Variants in SLC16A4 observed in about 807,000 individuals in gnomAD.
The protein encoded by SLC16A4 is probable monocarboxylate transporter 5.
Under a neutral mutation model 47.9 loss-of-function variants are expected in SLC16A4, and 39 were observed. That is an observed-to-expected ratio of 0.81 (90% CI 0.63 to 1.06). The LOEUF is 1.06. Ranked by LOEUF, SLC16A4 falls within the 50% of genes least tolerant of loss-of-function variation. SLC16A4 has a pLI of 0.00. For synonymous variants in SLC16A4, 189 were observed against 199.9 expected (o/e 0.95, Z 0.46); for missense variants, 524 against 573.8 (o/e 0.91, Z 0.89).
intron 2 of SLC16A4, among the ~76,000 whole-genome samples, chr1:110,384,985 C>T (rs763730417): frequency 5.0e-4 from 76 of 152,266 alleles, no homozygotes; most frequent in Non-Finnish European, 9.7e-4. Flanking sequence ...TGCACTCCAG[C>T]CTGGGCGACA....
In SLC16A4 at chr1:110,381,099, TA is replaced by T; in HGVS notation, c.408del (p.Thr137ProfsTer21). 6.2e-7 allele frequency: 1 copy of T among 1,614,132 alleles called. No individual in the cohort carries two copies. Among genetic ancestry groups the T allele is most frequent in the African/African-American group, 1.3e-5 (1 of 75,044 alleles). ...AFLYQVAAVV[T>X]TKYFKKRLAL... ...GCCAATCGTTTTTTGAAGTATTTGG[TA>T]GTTACCACAGCAGCCACTTGGTATA... On this transcript the variant is annotated frameshift_variant, in exon 5 of 9. Transcript: ENST00000369779. LOFTEE classifies it high-confidence loss of function.
chr1:110,363,954 A>G, intron 8 of SLC16A4, 61 bp from the exon 9 acceptor site: 2 of 1,555,934 alleles, frequency 1.3e-6, no homozygotes, highest in South Asian at 2.5e-5. Context: ...ACTCTCAGCC[A>G]TGAATAGCTC....
In SLC16A4 at chr1:110,389,230, TTC is replaced by T. The variant is rs755698516; in HGVS notation, c.87+5_87+6del. The stretch of plus-strand genomic sequence containing the variant: ...AATAGGAAAGGGGGAAAAAAGTGAA[TTC>T]TTACCAGGAAAAAATGAATCACAAT... On this transcript the variant is annotated splice_donor_5th_base_variant and intron_variant, in intron 2 of 8. Transcript: ENST00000369779. 14 of 1,611,860 alleles carry T rather than the reference TTC, an allele frequency of 8.7e-6. No individual in the cohort carries two copies. The highest frequency in any genetic ancestry group is 1.1e-5 in the Non-Finnish European group (13 of 1,178,084).
intron 2 of SLC16A4, among the ~76,000 whole-genome samples, chr1:110,388,323 CT>C (rs1195082416): frequency 6.6e-6 from 1 of 152,168 alleles, no homozygotes; most frequent in African/African-American, 2.4e-5. Context: ...AATGCCTCGT[CT>C]AGTTGCTTAT....
In SLC16A4 at chr1:110,382,973, C is replaced by G; in HGVS notation, c.88-7G>C. 1 of 1,594,862 alleles carries G rather than the reference C, an allele frequency of 6.3e-7. No individual in the cohort carries two copies. Among genetic ancestry groups the G allele is most frequent in the Non-Finnish European group, 8.6e-7 (1 of 1,167,624 alleles). The stretch of plus-strand genomic sequence containing the variant: ...CCATCACAAACACATTCACCTAAAT[C>G]AAAGCAGACCAGAGTCCAACTCAGG... On this transcript the variant is annotated splice_polypyrimidine_tract_variant and splice_region_variant and intron_variant, in intron 2 of 8. Transcript: ENST00000369779.
chr1:110,374,016 CCTT>C (rs889343153), intron 8 of SLC16A4, among the ~76,000 whole-genome samples: 10 of 112,132 alleles, frequency 8.9e-5, no homozygotes, highest in Admixed American at 8.5e-4. Context: ...TTTATAGTCT[CCTT>C]CTTTTAATAT....
rs1378455619 is a variant in SLC16A4 at position 110,381,774 on chromosome 1, C to CAA, written c.240_241dup (p.Cys81PhefsTer23). The CAA allele has an allele frequency of 6.2e-7, 1 of 1,612,842 alleles. No individual in the cohort carries two copies. The highest frequency in any genetic ancestry group is 1.1e-5 in the South Asian group (1 of 90,808). ...GGTAGTTTTCTCTCCAAGTATGTCA[C>CAA]AAATAATAGCAACCAGGGGACCTTA... On this transcript the variant is annotated frameshift_variant, in exon 4 of 9. Coordinates refer to ENST00000369779, the MANE Select transcript of SLC16A4 (RefSeq NM_004696.3). LOFTEE classifies it high-confidence loss of function.
At chr1:110,387,123 A>AATTC (rs1227344717) in intron 2 of SLC16A4, among the ~76,000 whole-genome samples, 1 of 152,146 alleles carries the variant, frequency 6.6e-6, no homozygotes, top group Non-Finnish European at 1.5e-5. Flanking sequence ...TGCAGCTATC[A>AATTC]ATTCATCCAT....
intron 8 of SLC16A4, chr1:110,372,178 T>C (rs905414924): frequency 3.3e-5 from 5 of 152,188 alleles, no homozygotes; most frequent in Non-Finnish European, 5.9e-5. Flanking sequence ...TGTTACCTTT[T>C]TTTGTCTGTG....
At chr1:110,365,297 C>T (rs1470820920) in intron 8 of SLC16A4, among the ~76,000 whole-genome samples, 1 of 151,790 alleles carries the variant, frequency 6.6e-6, no homozygotes, top group African/African-American at 2.4e-5. Flanking sequence ...TATACCCTCC[C>T]CCACCTTTTT....
chr1:110,378,338 C>T (rs765085642), intron 6 of SLC16A4, among the ~76,000 whole-genome samples: 44 of 152,258 alleles, frequency 2.9e-4, no homozygotes, highest in Non-Finnish European at 5.1e-4. Context: ...TCCTGACAAT[C>T]TTATGAGGGT....
chr1:110,389,236 C>G lies in SLC16A4; in HGVS notation c.87+1G>C, dbSNP rs1312825112. The G allele has an allele frequency of 6.2e-7, 1 of 1,612,886 alleles. No homozygotes were observed. Among genetic ancestry groups the G allele is most frequent in the Non-Finnish European group, 8.5e-7 (1 of 1,178,906 alleles). ...AAAGGGGGAAAAAAGTGAATTCTTA[C>G]CAGGAAAAAATGAATCACAATCATC... On this transcript the variant is annotated splice_donor_variant, in intron 2 of 8. Coordinates refer to ENST00000369779, the MANE Select transcript of SLC16A4 (RefSeq NM_004696.3). LOFTEE classifies it high-confidence loss of function.
At chr1:110,372,874 G>A (rs924123029) in intron 8 of SLC16A4, 1 of 152,108 alleles carries the variant, frequency 6.6e-6, no homozygotes, top group Admixed American at 6.5e-5. Flanking sequence ...CTGGATTTGG[G>A]CTAACAAAAG....
chr1:110,363,756 C>T lies in SLC16A4; in HGVS notation c.*10G>A. On this transcript the variant is annotated 3_prime_UTR_variant, in exon 9 of 9. Coordinates refer to ENST00000369779, the MANE Select transcript of SLC16A4 (RefSeq NM_004696.3). Reference sequence around the variant, plus strand: ...TGTTTAGCTCTCACTTGATTGCAGTCTTCTTTCTTTCAGGTCAGACTGTTT... The same window carrying T: ...TGTTTAGCTCTCACTTGATTGCAGTTTTCTTTCTTTCAGGTCAGACTGTTT... 6.3e-7 allele frequency: 1 copy of T among 1,594,668 alleles called. No homozygotes were observed. The highest frequency in any genetic ancestry group is 8.5e-7 in the Non-Finnish European group (1 of 1,173,780).
Position 110,387,226 on chromosome 1 carries a change from C to T in SLC16A4, c.87+2011G>A, listed in dbSNP as rs114529982. Among the ~76,000 whole-genome samples the T allele has an allele frequency of 4.1e-3, 621 of 152,274 alleles. 4 individuals are homozygous for T. The highest frequency in any genetic ancestry group is 0.014 in the African/African-American group (601 of 41,550). ...GGGCTTACGGTAATGAGCATATACT[C>T]ATGAGCAATGCAGACATAGACCCTG... On this transcript the variant is annotated intron_variant, in intron 2 of 8. Coordinates refer to ENST00000369779, the MANE Select transcript of SLC16A4 (RefSeq NM_004696.3).
In SLC16A4 at chr1:110,378,939, T is replaced by A. The variant is rs774118247; in HGVS notation, c.944A>T (p.Tyr315Phe). 6.2e-7 allele frequency: 1 copy of A among 1,614,192 alleles called. No individual in the cohort carries two copies. The highest frequency in any genetic ancestry group is 2.2e-5 in the East Asian group (1 of 44,882). Residue 315 changes from tyrosine (Y) to phenylalanine (F), a missense_variant, in exon 6 of 9, where the codon TAC (tyrosine) becomes TTC (phenylalanine). Coordinates refer to ENST00000369779, the MANE Select transcript of SLC16A4 (RefSeq NM_004696.3). Reference sequence around the variant, plus strand: ...TACCAGGTGAAAGGTAGGGATGAAGTATGCTAACTGACTGAGGAGAAAAGA... The same window carrying A: ...TACCAGGTGAAAGGTAGGGATGAAGAATGCTAACTGACTGAGGAGAAAAGA... ...TWSFLLSQLA[Y>F]FIPTFHLVAR...
chr1:110,376,420 G>C (rs1167048237), intron 7 of SLC16A4, among the ~76,000 whole-genome samples: 2 of 152,156 alleles, frequency 1.3e-5, no homozygotes, highest in Non-Finnish European at 2.9e-5. Context: ...CCAGAACACT[G>C]AAGTGTTTGT....
intron 2 of SLC16A4, among the ~76,000 whole-genome samples, chr1:110,383,577 C>G (rs1164870082): frequency 6.6e-6 from 1 of 152,032 alleles, no homozygotes; most frequent in African/African-American, 2.4e-5. Context: ...GCTGATCCAT[C>G]AAATGCAGGG....
At chr1:110,387,152 A>T (rs1003871368) in intron 2 of SLC16A4, among the ~76,000 whole-genome samples, 1 of 152,050 alleles carries the variant, frequency 6.6e-6, no homozygotes, top group Non-Finnish European at 1.5e-5. Flanking sequence ...CCATCCACCA[A>T]CAGTATTTTA....
Sources: allele counts gnomAD v4.1 joint callset (sites outside exome capture counted in the v4.1 genomes callset), GRCh38; gene constraint gnomAD v4.1.1; transcripts MANE v1.5; gene names NCBI Gene and HGNC (gene_info 2026-07-23, HGNC 2026-07-21).